The following SLC12A2 variants were observed in gnomAD, a reference collection of about 807,000 sequenced individuals.
The protein encoded by SLC12A2 is solute carrier family 12 member 2.
SLC12A2 carries 67 observed loss-of-function variants against 136.3 expected under a neutral mutation model. That is an observed-to-expected ratio of 0.49 (90% confidence interval 0.40 to 0.60). The LOEUF is 0.60. Ranked by LOEUF, SLC12A2 falls within the 20% of genes least tolerant of loss-of-function variation. SLC12A2 has a pLI of 0.00. For missense variants in SLC12A2, 1,322 were observed against 1,534.7 expected, an observed-to-expected ratio of 0.86 and a Z score of 2.32; for synonymous variants, 619 against 562.9, an observed-to-expected ratio of 1.10 and a Z score of -1.41.
At chr5:128,130,286 G>T (rs1183457292) in intron 4 of SLC12A2, among the ~76,000 whole-genome samples, 2 of 151,840 alleles carry the variant, frequency 1.3e-5, no homozygotes, top group South Asian at 2.1e-4. Context: ...TAATCCTAGC[G>T]CTTTGGGAAG....
At position 128,181,010 on chromosome 5, in the gene SLC12A2, A is replaced by G. The variant is rs1043139758; in HGVS notation, c.3212+16A>G. The stretch of plus-strand genomic sequence containing the variant: ...ACCGGAGAGCGTAAGTTTATTTCAC[A>G]TTGAAGGGCATGAATCTATTAGCAC... On this transcript the variant is annotated intron_variant, in intron 23 of 26. Transcript: ENST00000262461. 11 of 1,383,090 alleles carry G rather than the reference A, an allele frequency of 8.0e-6. No homozygotes were observed. The African/African-American group carries it at 1.0e-4, about 13-fold the overall frequency. The allele number at this position is 1,383,090 out of a possible 1,614,324, so 85.7% of individuals were successfully genotyped here. A position where few individuals can be genotyped will look rare whatever the true frequency, so the allele number is the denominator to read the frequency against.
At chr5:128,118,077 G>A (rs1761419642) in intron 4 of SLC12A2, among the ~76,000 whole-genome samples, 1 of 152,138 alleles carries the variant, frequency 6.6e-6, no homozygotes, top group African/African-American at 2.4e-5. Flanking sequence ...AACAGATGTT[G>A]GTGTGGATGT....
At chr5:128,166,035 GA>G (rs1763193208) in intron 17 of SLC12A2, among the ~76,000 whole-genome samples, 1 of 151,380 alleles carries the variant, frequency 6.6e-6, no homozygotes, top group South Asian at 2.1e-4. Context: ...TGAATGGGGG[GA>G]AAATTTACTT....
chr5:128,158,130 A>T lies in SLC12A2; in HGVS notation c.2441A>T (p.Asn814Ile). ...CATCTTGTTCATGATTTCACAAAAA[A>T]TGTTGGTTTGATGATCTGTGGCCAT... ...LLHLVHDFTK[N>I]VGLMICGHVH... The change falls in exon 16 of 27, where the codon AAT becomes ATT. Residue 814 changes from asparagine (N) to isoleucine (I), a missense_variant. By Grantham distance (149) the Asn-to-Ile change is moderately radical. This residue lies in a region of SLC12A2 where 294 missense variants were observed against 436.6 expected (regional missense o/e 0.67). Transcript: ENST00000262461. 4 of 1,613,546 alleles carry T rather than the reference A, an allele frequency of 2.5e-6. No individual in the cohort carries two copies. Among genetic ancestry groups the T allele is most frequent in the Non-Finnish European group, 3.4e-6 (4 of 1,179,718 alleles).
intron 4 of SLC12A2, among the ~76,000 whole-genome samples, chr5:128,125,376 AAGG>A (rs1761748852): frequency 6.6e-6 from 1 of 152,144 alleles, no homozygotes; most frequent in African/African-American, 2.4e-5. Flanking sequence ...GGTAGGTGGC[AAGG>A]AGGAGTTTGG....
At chr5:128,093,731 T>A (rs1377389648) in intron 1 of SLC12A2, among the ~76,000 whole-genome samples, 1 of 152,180 alleles carries the variant, frequency 6.6e-6, no homozygotes, top group African/African-American at 2.4e-5. Context: ...TTGCATTTTT[T>A]GACATTGAAA....
chr5:128,147,437 T>C (rs1762562252), intron 10 of SLC12A2, among the ~76,000 whole-genome samples, 185 bp from the exon 11 acceptor site: 1 of 151,696 alleles, frequency 6.6e-6, no homozygotes, highest in South Asian at 2.1e-4. Context: ...AAGGTTTTCT[T>C]AAGGTAAGGG....
intron 5 of SLC12A2, among the ~76,000 whole-genome samples, chr5:128,131,829 A>T (rs1281046699): frequency 1.3e-5 from 2 of 152,130 alleles, no homozygotes; most frequent in African/African-American, 4.8e-5. Flanking sequence ...AACGTGGAGA[A>T]ACCCGGTCTC....
intron 24 of SLC12A2, among the ~76,000 whole-genome samples, chr5:128,183,444 A>T (rs1375621790): frequency 6.6e-6 from 1 of 152,028 alleles, no homozygotes; most frequent in Non-Finnish European, 1.5e-5. Flanking sequence ...TATGAAGCTG[A>T]TATAAAGAAT....
chr5:128,131,376 G>A (rs960179756), intron 5 of SLC12A2, among the ~76,000 whole-genome samples, 170 bp downstream of exon 5: 2 of 152,130 alleles, frequency 1.3e-5, no homozygotes, highest in Non-Finnish European at 2.9e-5. Flanking sequence ...TAGAATGTCA[G>A]CAGTGGGCCG....
intron 17 of SLC12A2, among the ~76,000 whole-genome samples, chr5:128,162,086 G>A (rs1425835187): frequency 1.3e-5 from 2 of 152,136 alleles, no homozygotes; most frequent in Admixed American, 1.3e-4. Context: ...TGTTAAAGTA[G>A]AGGTGGGAGG....
chr5:128,177,302 T>C, intron 21 of SLC12A2, 150 bp downstream of exon 21: 2 of 532,028 alleles, frequency 3.8e-6, no homozygotes, highest in Non-Finnish European at 3.3e-6. Flanking sequence ...AAAATTATTA[T>C]TAGTCTAACT....
chr5:128,142,088 GT>G, intron 10 of SLC12A2, 107 bp downstream of exon 10: 1 of 964,032 alleles, frequency 1.0e-6, no homozygotes, highest in East Asian at 2.6e-5. Context: ...AGGGAGGACA[GT>G]TGTTATTTTT....
chr5:128,183,370 T>A (rs1249476803), intron 24 of SLC12A2, among the ~76,000 whole-genome samples: 1 of 152,100 alleles, frequency 6.6e-6, no homozygotes, highest in African/African-American at 2.4e-5. Context: ...TACAGGTTGT[T>A]ATAATGATAT....
chr5:128,084,779 A>C lies in SLC12A2; in HGVS notation c.756+69A>C, dbSNP rs955705332. ...TGCCGACCGCGGGATGTGGCTGCAG[A>C]CTCTTCCCGAGTTGAGGTGGCGGGA... On this transcript the variant is annotated intron_variant, in intron 1 of 26. Transcript: ENST00000262461. The surrounding 1 kb of genome is among the most constrained non-coding windows in gnomAD (Gnocchi z 5.6). 3.4e-6 allele frequency: 5 copies of C among 1,450,268 alleles called. No individual in the cohort carries two copies. The highest frequency in any genetic ancestry group is 4.6e-6 in the Non-Finnish European group (5 of 1,092,514). The allele number at this position is 1,450,268 out of a possible 1,614,324, so 89.8% of individuals were successfully genotyped here.
Position 128,177,096 on chromosome 5 carries a change from A to G in SLC12A2, c.2930-9A>G, listed in dbSNP as rs1282981597. 4 of 1,562,162 alleles carry G rather than the reference A, an allele frequency of 2.6e-6. No homozygotes were observed. Among genetic ancestry groups the G allele is most frequent in the Admixed American group, 2.0e-5 (1 of 49,172 alleles). ...TAACATATTTTTGTGTTTTTTAAACATAATCTAGTTGAGGAAGAGGATGGC... is the reference window on the plus strand; with the variant it reads ...TAACATATTTTTGTGTTTTTTAAACGTAATCTAGTTGAGGAAGAGGATGGC... On this transcript the variant is annotated splice_polypyrimidine_tract_variant and intron_variant, in intron 20 of 26. Coordinates refer to ENST00000262461, the MANE Select transcript of SLC12A2 (RefSeq NM_001046.3).
chr5:128,099,922 A>G (rs965438276), intron 1 of SLC12A2, among the ~76,000 whole-genome samples: 2 of 152,128 alleles, frequency 1.3e-5, no homozygotes, highest in African/African-American at 4.8e-5. Context: ...TTTTACAGTT[A>G]TTATTTTTTT....
chr5:128,088,454 T>C (rs952004151), intron 1 of SLC12A2, among the ~76,000 whole-genome samples: 2 of 152,216 alleles, frequency 1.3e-5, no homozygotes, highest in East Asian at 3.8e-4. Flanking sequence ...ACATGTATGA[T>C]GGAATGCTAG....
At chr5:128,172,609 A>G (rs1186126754) in intron 19 of SLC12A2, among the ~76,000 whole-genome samples, 1 of 152,212 alleles carries the variant, frequency 6.6e-6, no homozygotes, top group African/African-American at 2.4e-5. Flanking sequence ...CTTTTAAAGC[A>G]TTTTTGAAAG....
Sources: allele counts gnomAD v4.1 joint callset (sites outside exome capture counted in the v4.1 genomes callset), GRCh38; gene constraint gnomAD v4.1.1; regional missense constraint gnomAD v4.1.1; non-coding constraint Gnocchi (gnomAD v3.1); transcripts MANE v1.5; gene names NCBI Gene and HGNC (gene_info 2026-07-23, HGNC 2026-07-21).